Variants in SAMD12 observed in about 807,000 individuals in gnomAD.
SAMD12 encodes the protein sterile alpha motif domain containing 12, also known as sterile alpha motif domain-containing protein 12.
SAMD12 carries 9 observed loss-of-function variants against 15.0 expected under a neutral mutation model. The ratio of observed to expected loss-of-function variants is 0.60; its 90% confidence interval spans 0.36 to 1.05. The LOEUF (loss-of-function observed/expected upper bound fraction) is 1.05. SAMD12 is among the 50% of genes least tolerant of loss of function. The pLI, the probability that SAMD12 is intolerant of heterozygous loss-of-function variation, is 0.01. For missense variants in SAMD12, 230 were observed against 234.2 expected, an observed-to-expected ratio of 0.98 and a Z score of 0.12; for synonymous variants, 86 against 90.1, an observed-to-expected ratio of 0.96 and a Z score of 0.25.
intron 4 of SAMD12, among the ~76,000 whole-genome samples, chr8:118,212,955 C>A (rs1811870354): frequency 6.6e-6 from 1 of 152,042 alleles, no homozygotes; most frequent in South Asian, 2.1e-4. Flanking sequence ...GATCTTGTAT[C>A]CTGTAGATAC....
In SAMD12 at chr8:118,378,950, C is replaced by A. The variant is rs1469347097; in HGVS notation, c.*467G>T. ...AGTGTAGTTTTAGATTCACTATAGT[C>A]TATTATAAAAATTATTCCACTTTCA... On this transcript the variant is annotated 3_prime_UTR_variant, in exon 4 of 4. Transcript: ENST00000314727. 1.1e-6 allele frequency: 1 copy of A among 948,660 alleles called. No individual in the cohort carries two copies. 58.8% of individuals were successfully genotyped at this position (948,660 alleles called of 1,614,324 possible). A position where few individuals can be genotyped will look rare whatever the true frequency, so the allele number is the denominator to read the frequency against.
chr8:118,539,628 GTCACCATGT>G (rs2131145362), intron 2 of SAMD12, among the ~76,000 whole-genome samples: 1 of 152,252 alleles, frequency 6.6e-6, no homozygotes, highest in Non-Finnish European at 1.5e-5. Flanking sequence ...AGAACTGCTG[GTCACCATGT>G]TTGTGTCACA....
intron 2 of SAMD12, among the ~76,000 whole-genome samples, chr8:118,574,064 G>T (rs1220340711): frequency 6.6e-6 from 1 of 152,170 alleles, no homozygotes; most frequent in Non-Finnish European, 1.5e-5. Context: ...TAGTTAGGGT[G>T]GTCAGGAAAG....
intron 1 of SAMD12, among the ~76,000 whole-genome samples, chr8:118,607,600 T>C (rs1828015690): frequency 6.6e-6 from 1 of 152,222 alleles, no homozygotes; most frequent in Admixed American, 6.5e-5. Flanking sequence ...GCTTACTAGC[T>C]GTGTGACCAT....
At chr8:118,431,464 C>A (rs774404960) in intron 3 of SAMD12, among the ~76,000 whole-genome samples, 1 of 151,958 alleles carries the variant, frequency 6.6e-6, no homozygotes, top group East Asian at 1.9e-4. Context: ...TTTGGGCAAG[C>A]CTTTCCTTAC....
intron 2 of SAMD12, among the ~76,000 whole-genome samples, chr8:118,491,462 T>A (rs1259112049): frequency 6.6e-6 from 1 of 152,208 alleles, no homozygotes; most frequent in African/African-American, 2.4e-5. Flanking sequence ...TTCTTGGTTA[T>A]CTAACACAGT....
chr8:118,248,025 A>G (rs1812736756), intron 4 of SAMD12, among the ~76,000 whole-genome samples: 1 of 152,120 alleles, frequency 6.6e-6, no homozygotes, highest in African/African-American at 2.4e-5. Context: ...GATAAAGAAA[A>G]CAGACACAGA....
chr8:118,343,118 C>A (rs1384113463), intron 4 of SAMD12, among the ~76,000 whole-genome samples: 1 of 152,078 alleles, frequency 6.6e-6, no homozygotes, highest in Non-Finnish European at 1.5e-5. Flanking sequence ...TGGGCTCCAA[C>A]AATGGCAAGT....
chr8:118,132,604 AC>A, the SAMD12 span, among the ~76,000 whole-genome samples: 1 of 152,180 alleles, frequency 6.6e-6, no homozygotes, highest in Non-Finnish European at 1.5e-5. Context: ...ATTTTCTAGA[AC>A]AAGTGTTTCT....
chr8:118,567,128 C>T (rs1260499799), intron 2 of SAMD12, among the ~76,000 whole-genome samples: 1 of 152,158 alleles, frequency 6.6e-6, no homozygotes, highest in Non-Finnish European at 1.5e-5. Flanking sequence ...AATGACATCT[C>T]TCTCATGAGG....
At chr8:118,406,570 A>G (rs1821140450) in intron 3 of SAMD12, among the ~76,000 whole-genome samples, 1 of 152,038 alleles carries the variant, frequency 6.6e-6, no homozygotes, top group Non-Finnish European at 1.5e-5. Flanking sequence ...TACTGGCCCA[A>G]CCTCTTAACC....
chr8:118,174,911 A>C, the SAMD12 span, among the ~76,000 whole-genome samples: 3 of 152,086 alleles, frequency 2.0e-5, no homozygotes, highest in Non-Finnish European at 4.4e-5. Flanking sequence ...AGAATAAGTT[A>C]TAAATATCAT....
the SAMD12 span, among the ~76,000 whole-genome samples, chr8:118,162,919 C>A: frequency 1.3e-5 from 2 of 151,936 alleles, no homozygotes; most frequent in Non-Finnish European, 2.9e-5. Flanking sequence ...AAAAAAGTGG[C>A]AGGATATTAG....
chr8:118,421,546 T>C (rs1372265685), intron 3 of SAMD12, among the ~76,000 whole-genome samples: 1 of 152,208 alleles, frequency 6.6e-6, no homozygotes, highest in East Asian at 1.9e-4. Flanking sequence ...TCTATCCAAA[T>C]GTGGACACTT....
chr8:118,260,327 T>A (rs776296865), intron 4 of SAMD12, among the ~76,000 whole-genome samples: 9 of 152,146 alleles, frequency 5.9e-5, no homozygotes, highest in Non-Finnish European at 1.2e-4. Flanking sequence ...ACTCATCTTT[T>A]GAGATGCAGA....
intron 4 of SAMD12, among the ~76,000 whole-genome samples, chr8:118,285,274 T>G (rs1246865800): frequency 6.6e-6 from 1 of 152,188 alleles, no homozygotes; most frequent in African/African-American, 2.4e-5. Flanking sequence ...TGGGTACCCA[T>G]GAGTCTGAAA....
intron 3 of SAMD12, among the ~76,000 whole-genome samples, chr8:118,423,463 C>T (rs532733716): frequency 2.0e-5 from 3 of 152,236 alleles, no homozygotes; most frequent in South Asian, 2.1e-4. Flanking sequence ...AGAAGTTTAA[C>T]GTTTATCTTG....
the SAMD12 span, among the ~76,000 whole-genome samples, chr8:118,145,223 A>G: frequency 6.6e-6 from 1 of 152,250 alleles, no homozygotes; most frequent in Non-Finnish European, 1.5e-5. Context: ...AAACTACATT[A>G]GCCCATGGGA....
At chr8:118,206,031 G>A (rs767106564) in intron 4 of SAMD12, among the ~76,000 whole-genome samples, 2 of 152,208 alleles carry the variant, frequency 1.3e-5, no homozygotes, top group African/African-American at 2.4e-5. Flanking sequence ...ATTCCTGGAG[G>A]TTAAATTGAA....
Sources: gnomAD v4.1 joint callset for allele counts (sites outside exome capture counted in the v4.1 genomes callset) on GRCh38, gnomAD v4.1.1 for gene constraint, MANE v1.5 for transcripts, NCBI Gene and HGNC (gene_info 2026-07-23, HGNC 2026-07-21) for gene names.